PTPRM: variants seen among roughly 807,000 people sequenced by gnomAD.
The protein encoded by PTPRM is receptor-type tyrosine-protein phosphatase mu.
In PTPRM, 47 loss-of-function variants were observed where a neutral mutation model predicts 186.7. The observed-to-expected ratio is 0.25, with a 90% confidence interval of 0.20 to 0.32. PTPRM has a LOEUF of 0.32. PTPRM is among the 10% of genes least tolerant of loss of function. PTPRM has a pLI of 1.00. For synonymous variants in PTPRM, 668 were observed against 674.9 expected (o/e 0.99, Z 0.16); for missense variants, 1,494 against 1,865.0 (o/e 0.80, Z 3.66).
chr18:7,583,894 A>G (rs1250716595), intron 1 of PTPRM, among the ~76,000 whole-genome samples: 1 of 152,200 alleles, frequency 6.6e-6, no homozygotes, highest in African/African-American at 2.4e-5. Context: ...TTTGACTTCA[A>G]GTGGAGGTGG....
Position 8,106,646 on chromosome 18 carries a change from C to T in PTPRM, c.1857-6840C>T, listed in dbSNP as rs533308918. 1.1e-4 allele frequency among the ~76,000 whole-genome samples: 16 copies of T among 152,322 alleles called. No homozygotes were observed. The East Asian group carries it at 2.9e-3, about 28-fold the overall frequency. ...TCCTCTTTTTATTCTTCCCCTGTGC[C>T]TGGAACAAGGCCTGATACGTGGTGA... On this transcript the variant is annotated intron_variant, in intron 11 of 32. Coordinates refer to ENST00000580170, the MANE Select transcript of PTPRM (RefSeq NM_001105244.2).
In PTPRM at chr18:8,253,260, GCCTGGTGCAGT is replaced by G; in HGVS notation, c.2603_2613del (p.Leu868ProfsTer51). 1 of 1,562,202 alleles carries G rather than the reference GCCTGGTGCAGT, an allele frequency of 6.4e-7. No individual in the cohort carries two copies. Among genetic ancestry groups the G allele is most frequent in the Non-Finnish European group, 8.7e-7 (1 of 1,153,558 alleles). ...CACACAATGGCCAGCGATACCAGCA[GCCTGGTGCAGT>G]CCCATACTTACAAGAAGCGAGAGCC... On this transcript the variant is annotated frameshift_variant, in exon 19 of 33. Coordinates refer to ENST00000580170, the MANE Select transcript of PTPRM (RefSeq NM_001105244.2). LOFTEE classifies it high-confidence loss of function.
chr18:8,319,161 CTT>C lies in PTPRM; in HGVS notation c.2920-14_2920-13del. ...CGATTTTATGTTTATCAAATATTCT[CTT>C]TTATTTATTTTTAGGGTTATCATCG... is the stretch of plus-strand genomic sequence containing the variant. On this transcript the variant is annotated splice_polypyrimidine_tract_variant and intron_variant, in intron 21 of 32. Coordinates refer to ENST00000580170, the MANE Select transcript of PTPRM (RefSeq NM_001105244.2). 1.3e-6 allele frequency: 2 copies of C among 1,498,602 alleles called. No individual in the cohort carries two copies. Among genetic ancestry groups the C allele is most frequent in the African/African-American group, 1.4e-5 (1 of 72,228 alleles). The allele number at this position is 1,498,602 out of a possible 1,614,324, so 92.8% of individuals were successfully genotyped here.
At chr18:7,976,913 C>T (rs2054983984) in intron 7 of PTPRM, among the ~76,000 whole-genome samples, 1 of 148,386 alleles carries the variant, frequency 6.7e-6, no homozygotes, top group Non-Finnish European at 1.5e-5. Context: ...TGCAAAGAAA[C>T]TTGCTGTTTT....
intron 1 of PTPRM, among the ~76,000 whole-genome samples, chr18:7,607,864 C>T (rs1010929331): frequency 2.6e-5 from 4 of 152,210 alleles, no homozygotes; most frequent in South Asian, 2.1e-4. Flanking sequence ...CCTTTTGCCC[C>T]GCTGTCTGAT....
chr18:8,343,584 G>A, intron 23 of PTPRM, 64 bp downstream of exon 23: 1 of 1,454,144 alleles, frequency 6.9e-7, no homozygotes, highest in Non-Finnish European at 9.6e-7. Context: ...CAGAAAGTAA[G>A]GCATGAGGCA....
At chr18:7,889,813 A>G (rs1187660841) in intron 3 of PTPRM, among the ~76,000 whole-genome samples, 2 of 152,182 alleles carry the variant, frequency 1.3e-5, no homozygotes, top group Non-Finnish European at 2.9e-5. Context: ...CAACAGGAAG[A>G]AAGTACCAGA....
intron 14 of PTPRM, among the ~76,000 whole-genome samples, chr18:8,159,395 T>G (rs1321946496): frequency 6.6e-6 from 1 of 152,240 alleles, no homozygotes; most frequent in Non-Finnish European, 1.5e-5. Context: ...AAAGTGAAAC[T>G]GTTTTTATGA....
chr18:7,967,233 G>A (rs2054191979), intron 7 of PTPRM, among the ~76,000 whole-genome samples: 1 of 23,198 alleles, frequency 4.3e-5, no homozygotes, highest in Non-Finnish European at 1.2e-4. Flanking sequence ...CAACAGACCT[G>A]CAGCTGAGGG....
intron 31 of PTPRM, 78 bp from the exon 32 acceptor site, chr18:8,394,398 C>T: frequency 6.8e-7 from 1 of 1,472,014 alleles, no homozygotes; most frequent in South Asian, 1.4e-5. Context: ...AGGGTTTAGA[C>T]AGCTTGTTTC....
At chr18:8,286,066 A>G (rs2094953554) in intron 19 of PTPRM, among the ~76,000 whole-genome samples, 1 of 152,218 alleles carries the variant, frequency 6.6e-6, no homozygotes, top group African/African-American at 2.4e-5. Flanking sequence ...ACATCATTCA[A>G]TAACAGAGGG....
At chr18:8,315,651 C>G (rs1461127045) in intron 21 of PTPRM, among the ~76,000 whole-genome samples, 2 of 152,150 alleles carry the variant, frequency 1.3e-5, no homozygotes, top group Non-Finnish European at 2.9e-5. Context: ...CACACTATTG[C>G]TTAGTCTATC....
intron 14 of PTPRM, among the ~76,000 whole-genome samples, chr18:8,149,711 G>A (rs1860422063): frequency 6.6e-6 from 1 of 152,096 alleles, no homozygotes; most frequent in Non-Finnish European, 1.5e-5. Context: ...TGGTTATTTT[G>A]CCCGTTAGTT....
At chr18:7,674,638 C>G (rs574412989) in intron 1 of PTPRM, among the ~76,000 whole-genome samples, 1 of 152,224 alleles carries the variant, frequency 6.6e-6, no homozygotes, top group South Asian at 2.1e-4. Flanking sequence ...CTTTCTTCTT[C>G]CTAGGTAGAG....
intron 22 of PTPRM, among the ~76,000 whole-genome samples, chr18:8,331,636 A>G (rs2095412807): frequency 6.6e-6 from 1 of 152,244 alleles, no homozygotes; most frequent in Admixed American, 6.5e-5. Flanking sequence ...ACCCTAGTAT[A>G]ATGTATACTC....
At chr18:8,380,253 A>G in intron 28 of PTPRM, 43 bp from the exon 29 acceptor site, 1 of 1,596,004 alleles carries the variant, frequency 6.3e-7, no homozygotes, top group Non-Finnish European at 8.6e-7. Context: ...TTCTCTTCCC[A>G]TTTTCCTGAG....
chr18:7,733,400 G>T (rs2040702271), intron 1 of PTPRM, among the ~76,000 whole-genome samples: 2 of 152,072 alleles, frequency 1.3e-5, no homozygotes, highest in Non-Finnish European at 2.9e-5. Context: ...CCATGTCCCT[G>T]CAAAGGACAT....
chr18:8,289,633 C>T (rs1052099232), intron 19 of PTPRM, among the ~76,000 whole-genome samples: 9 of 125,046 alleles, frequency 7.2e-5, no homozygotes, highest in Admixed American at 1.6e-4. Context: ...TATATATATA[C>T]ACACATATAT....
intron 1 of PTPRM, among the ~76,000 whole-genome samples, chr18:7,742,740 A>G (rs2144521218): frequency 6.6e-6 from 1 of 152,266 alleles, no homozygotes; most frequent in African/African-American, 2.4e-5. Context: ...GTAATTCTGC[A>G]TAGCAGATCA....
Sources: gnomAD v4.1 joint callset for allele counts (sites outside exome capture counted in the v4.1 genomes callset) on GRCh38, gnomAD v4.1.1 for gene constraint, MANE v1.5 for transcripts, NCBI Gene and HGNC (gene_info 2026-07-23, HGNC 2026-07-21) for gene names.